The following GPHN variants were observed in gnomAD, a reference collection of about 807,000 sequenced individuals.
The protein encoded by GPHN is gephyrin.
Under a neutral mutation model 95.5 loss-of-function variants are expected in GPHN, and 17 were observed. The ratio of observed to expected loss-of-function variants is 0.18; its 90% CI spans 0.12 to 0.27. GPHN has a LOEUF of 0.27. Ranked by LOEUF, GPHN falls within the 10% of genes least tolerant of loss-of-function variation. GPHN has a pLI of 1.00. For synonymous variants in GPHN, 320 were observed against 322.5 expected, an observed-to-expected ratio of 0.99 and a Z score of 0.08; for missense variants, 660 against 978.1, an observed-to-expected ratio of 0.67 and a Z score of 4.34.
At chr14:67,508,135 C>CAAAAAAAAAAAAAAAA in the GPHN span, among the ~76,000 whole-genome samples, 1 of 130,630 alleles carries the variant, frequency 7.7e-6, no homozygotes, top group African/African-American at 3.0e-5. Flanking sequence ...AACTCCATCT[C>CAAAAAAAAAAAAAAAA]AAAAAAAAAA....
chr14:67,022,655 A>G (rs1322717822), intron 9 of GPHN, among the ~76,000 whole-genome samples: 1 of 137,392 alleles, frequency 7.3e-6, no homozygotes, highest in Non-Finnish European at 1.5e-5. Context: ...GTTTTTTTAA[A>G]CATTAACAAT....
At chr14:67,333,153 A>T in the GPHN span, 1 of 462,368 alleles carries the variant, frequency 2.2e-6, no homozygotes. Context: ...TATTCTCTAT[A>T]CATGGCTTTA....
At chr14:67,145,866 A>C (rs1384513922) in intron 18 of GPHN, among the ~76,000 whole-genome samples, 1 of 152,216 alleles carries the variant, frequency 6.6e-6, no homozygotes, top group Non-Finnish European at 1.5e-5. Context: ...TTCCATTTAA[A>C]TTATACTCTA....
At chr14:66,720,430 T>C (rs1595682641) in intron 2 of GPHN, among the ~76,000 whole-genome samples, 1 of 152,316 alleles carries the variant, frequency 6.6e-6, no homozygotes, top group Non-Finnish European at 1.5e-5. Context: ...TGTGCACATC[T>C]AAAATTTCAG....
intron 3 of GPHN, among the ~76,000 whole-genome samples, chr14:66,778,247 C>T (rs1191510785): frequency 6.6e-6 from 1 of 152,104 alleles, no homozygotes; most frequent in Non-Finnish European, 1.5e-5. Context: ...GAATAAAATA[C>T]CTAGGAATCC....
At chr14:67,647,935 A>G in the GPHN span, 4 of 1,046,238 alleles carry the variant, frequency 3.8e-6, no homozygotes, top group South Asian at 6.5e-5. Flanking sequence ...TTAACAAAGT[A>G]CTAGGACTAA....
the GPHN span, among the ~76,000 whole-genome samples, chr14:67,401,703 T>C: frequency 2.2e-4 from 33 of 152,254 alleles, no homozygotes; most frequent in African/African-American, 7.9e-4. Context: ...GAAACAAATC[T>C]CAGTTGTTTC....
intron 5 of GPHN, among the ~76,000 whole-genome samples, chr14:66,892,267 A>T (rs922605515): frequency 1.3e-5 from 2 of 152,076 alleles, no homozygotes; most frequent in African/African-American, 4.8e-5. Context: ...AAACTTGTTT[A>T]AAAAAATTAG....
the GPHN span, among the ~76,000 whole-genome samples, chr14:67,695,476 A>G: frequency 6.6e-6 from 1 of 152,234 alleles, no homozygotes. Context: ...CACCCAGGAC[A>G]GCTGGACCTC....
chr14:67,650,602 A>C, the GPHN span: 1 of 932,244 alleles, frequency 1.1e-6, no homozygotes, highest in South Asian at 1.5e-5. Flanking sequence ...ATTTTCTACT[A>C]TAAAATGGAC....
chr14:67,423,868 C>G, the GPHN span, among the ~76,000 whole-genome samples: 6 of 152,194 alleles, frequency 3.9e-5, no homozygotes, highest in Non-Finnish European at 7.3e-5. Context: ...GAACGAAAGA[C>G]TTTTAAATCC....
chr14:67,702,848 C>G, the GPHN span, among the ~76,000 whole-genome samples: 1 of 152,194 alleles, frequency 6.6e-6, no homozygotes, highest in South Asian at 2.1e-4. Flanking sequence ...GGGCCTCACT[C>G]TGTTGCCCAG....
chr14:66,832,119 C>G (rs1222342395), intron 4 of GPHN, among the ~76,000 whole-genome samples: 1 of 152,114 alleles, frequency 6.6e-6, no homozygotes, highest in African/African-American at 2.4e-5. Flanking sequence ...TGCATTCCAA[C>G]CTGGGTGACA....
the GPHN span, chr14:67,561,917 C>G: frequency 5.3e-6 from 7 of 1,328,504 alleles, no homozygotes; most frequent in Non-Finnish European, 7.6e-6. Context: ...AACCTGTAGG[C>G]TGGGTGTCCT....
the GPHN span, chr14:67,541,985 G>C: frequency 6.2e-7 from 1 of 1,605,306 alleles, no homozygotes; most frequent in Non-Finnish European, 8.5e-7. Flanking sequence ...GGAGCTGCTG[G>C]CTGACAAGGT....
At chr14:67,636,496 T>C in the GPHN span, among the ~76,000 whole-genome samples, 11 of 152,214 alleles carry the variant, frequency 7.2e-5, no homozygotes. Flanking sequence ...TTATTATCCA[T>C]TTCCTGTCTC....
At chr14:67,166,203 CAT>C (rs2082267914) in intron 20 of GPHN, among the ~76,000 whole-genome samples, 1 of 152,172 alleles carries the variant, frequency 6.6e-6, no homozygotes, top group Non-Finnish European at 1.5e-5. Flanking sequence ...AGATTTCTAT[CAT>C]GTAGAAAATT....
At chr14:67,419,970 G>C in the GPHN span, among the ~76,000 whole-genome samples, 3 of 152,174 alleles carry the variant, frequency 2.0e-5, no homozygotes, top group African/African-American at 7.2e-5. Flanking sequence ...ATACCCAGGA[G>C]ACTCTGATTC....
intron 1 of GPHN, among the ~76,000 whole-genome samples, chr14:66,552,417 A>G (rs1193389987): frequency 6.6e-6 from 1 of 152,194 alleles, no homozygotes; most frequent in Non-Finnish European, 1.5e-5. Flanking sequence ...CCTACTTTAC[A>G]GTGTTTTATT....
Sources: allele counts gnomAD v4.1 joint callset (sites outside exome capture counted in the v4.1 genomes callset), GRCh38; gene constraint gnomAD v4.1.1; transcripts MANE v1.5; gene names NCBI Gene and HGNC (gene_info 2026-07-23, HGNC 2026-07-21).